Variants in GOT2 observed in about 807,000 individuals in gnomAD.
GOT2 encodes glutamic-oxaloacetic transaminase 2.
Under a neutral mutation model 50.0 loss-of-function variants are expected in GOT2, and 17 were observed. The observed-to-expected ratio is 0.34, with a 90% CI of 0.23 to 0.51. GOT2 has a LOEUF of 0.51. Among genes scored for constraint, GOT2 ranks in the 20% least tolerant of loss-of-function variants. GOT2 has a pLI of 0.97. For synonymous variants in GOT2, 172 were observed against 204.9 expected (o/e 0.84, Z 1.37); for missense variants, 430 against 559.6 (o/e 0.77, Z 2.34).
At chr16:58,715,084 C>G (rs566892201) in intron 8 of GOT2, among the ~76,000 whole-genome samples, 15 of 152,192 alleles carry the variant, frequency 9.9e-5, no homozygotes, top group Admixed American at 7.9e-4. Context: ...TGGCTCACAC[C>G]TGCAATCCCA....
chr16:58,713,141 C>G (rs1035942446), intron 8 of GOT2, among the ~76,000 whole-genome samples: 1 of 150,770 alleles, frequency 6.6e-6, no homozygotes, highest in Admixed American at 6.6e-5. Flanking sequence ...CACACACAAA[C>G]AAAAAACAAA....
chr16:58,723,789 C>T lies in GOT2; in HGVS notation c.203G>A (p.Arg68Gln), dbSNP rs768158989. Reference protein sequence around the residue: ...KKMNLGVGAYRDDNGKPYVLP... With the variant: ...KKMNLGVGAYQDDNGKPYVLP... Reference sequence around the variant, plus strand: ...AACGTAAGGCTTTCCATTATCATCCCGGTAGGCACCAACTCCCAGATTCAT... The same window carrying T: ...AACGTAAGGCTTTCCATTATCATCCTGGTAGGCACCAACTCCCAGATTCAT... Residue 68 changes from arginine to glutamine, a missense_variant, in exon 2 of 10, where the codon CGG (arginine) becomes CAG (glutamine). By Grantham distance (43) the Arg-to-Gln change is conservative. Coordinates refer to ENST00000245206, the MANE Select transcript of GOT2 (RefSeq NM_002080.4). The T allele has an allele frequency of 2.3e-5, 37 of 1,612,984 alleles. No individual in the cohort carries two copies. Among genetic ancestry groups the T allele is most frequent in the Admixed American group, 3.3e-5 (2 of 60,012 alleles).
At chr16:58,723,687 C>T (rs2044758261) in intron 2 of GOT2, 59 bp downstream of exon 2, 11 of 1,418,342 alleles carry the variant, frequency 7.8e-6, no homozygotes, top group Non-Finnish European at 1.1e-5. Context: ...TCCTGCCACT[C>T]TCCAGGGCTC....
chr16:58,711,613 T>G (rs534438306), intron 8 of GOT2, among the ~76,000 whole-genome samples: 18 of 152,362 alleles, frequency 1.2e-4, no homozygotes, highest in African/African-American at 1.7e-4. Context: ...AATTGGGCAC[T>G]TGTGCCTAAA....
chr16:58,723,652 C>T (rs2044758050), intron 2 of GOT2, 94 bp downstream of exon 2: 17 of 1,008,228 alleles, frequency 1.7e-5, no homozygotes, highest in Non-Finnish European at 2.4e-5. Flanking sequence ...AAGCCCAGGG[C>T]TCCTGATTCC....
intron 9 of GOT2, chr16:58,708,997 C>CA (rs1351514256): frequency 2.6e-5 from 4 of 156,322 alleles, no homozygotes; most frequent in Non-Finnish European, 5.6e-5. Context: ...CTCAGTGGCT[C>CA]ACACCTGTAA....
At chr16:58,730,336 T>C (rs1424377455) in intron 1 of GOT2, among the ~76,000 whole-genome samples, 1 of 152,172 alleles carries the variant, frequency 6.6e-6, no homozygotes, top group African/African-American at 2.4e-5. Context: ...CCTCTTCCCA[T>C]TCTCTACCCT....
intron 3 of GOT2, chr16:58,721,941 C>T (rs910763557): frequency 2.9e-5 from 12 of 416,106 alleles, no homozygotes; most frequent in East Asian, 8.8e-5. Context: ...TCACCATGCC[C>T]GGCTAATTTT....
intron 1 of GOT2, among the ~76,000 whole-genome samples, chr16:58,731,194 C>T (rs912827024): frequency 7.2e-5 from 11 of 151,982 alleles, no homozygotes; most frequent in Non-Finnish European, 1.2e-4. Context: ...AGTGCAGCGG[C>T]GTGATCAGCG....
At position 58,718,912 on chromosome 16, in the gene GOT2, G is replaced by T. The variant is rs1010671541; in HGVS notation, c.436-224C>A. 2.0e-5 allele frequency among the ~76,000 whole-genome samples: 3 copies of T among 152,214 alleles called. No homozygotes were observed. In the East Asian group the frequency reaches 5.8e-4, roughly 29 times the overall value. On this transcript the variant is annotated intron_variant, in intron 4 of 9. Transcript: ENST00000245206. ...TTTCTGGGTCTTGCTTTCTTCACTT[G>T]TAAAGGGGGTTAATTGTACCTCTCT...
chr16:58,708,337 G>A (rs1190926527), intron 9 of GOT2, 44 bp from the exon 10 acceptor site: 5 of 1,599,668 alleles, frequency 3.1e-6, no homozygotes, highest in Non-Finnish European at 4.3e-6. Flanking sequence ...CGGTACAGGG[G>A]ATTCTCCCCG....
chr16:58,724,541 A>G (rs1409092397), intron 1 of GOT2, among the ~76,000 whole-genome samples: 1 of 149,046 alleles, frequency 6.7e-6, no homozygotes, highest in Non-Finnish European at 1.5e-5. Context: ...ATACTGATAC[A>G]TTATTATTAT....
At chr16:58,713,288 T>C (rs913223855) in intron 8 of GOT2, among the ~76,000 whole-genome samples, 2 of 152,110 alleles carry the variant, frequency 1.3e-5, no homozygotes, top group East Asian at 3.9e-4. Flanking sequence ...CAAAAAAATA[T>C]AACTTAAAAA....
In GOT2 at chr16:58,734,265, G is replaced by T. The variant is rs760486927; in HGVS notation, c.-37C>A. 2.8e-5 allele frequency: 32 copies of T among 1,129,788 alleles called. No homozygotes were observed. The African/African-American group carries it at 4.8e-4, about 17-fold the overall frequency. The allele number at this position is 1,129,788 out of a possible 1,614,324, so 70.0% of individuals were successfully genotyped here. A position where few individuals can be genotyped will look rare whatever the true frequency, so the allele number is the denominator to read the frequency against. The stretch of plus-strand genomic sequence containing the variant: ...GGAGGGCAGTGGGCAGCCGCAGGAC[G>T]GAGCAGAGGGCGAGCGGACACACAC... On this transcript the variant is annotated 5_prime_UTR_variant, in exon 1 of 10. Transcript: ENST00000245206.
At chr16:58,721,035 T>C (rs1369552955) in intron 3 of GOT2, among the ~76,000 whole-genome samples, 1 of 152,208 alleles carries the variant, frequency 6.6e-6, no homozygotes, top group Non-Finnish European at 1.5e-5. Flanking sequence ...TAACAGGCAG[T>C]TGACTGTATG....
intron 1 of GOT2, 58 bp from the exon 2 acceptor site, chr16:58,723,960 T>A: frequency 6.8e-7 from 1 of 1,471,594 alleles, no homozygotes; most frequent in South Asian, 1.2e-5. Context: ...TCCATTTTAC[T>A]TATTTATTTA....
chr16:58,716,587 C>T (rs1300197840), intron 7 of GOT2, 76 bp downstream of exon 7: 38 of 1,248,902 alleles, frequency 3.0e-5, no homozygotes, highest in South Asian at 2.0e-4. Flanking sequence ...CACACACACA[C>T]ACCCACAAGC....
intron 6 of GOT2, 114 bp from the exon 7 acceptor site, chr16:58,716,927 A>G (rs963221064): frequency 1.2e-5 from 11 of 907,502 alleles, no homozygotes; most frequent in Non-Finnish European, 1.9e-5. Context: ...TAAGCACAAT[A>G]AGCCTTTTCT....
chr16:58,724,306 A>G lies in GOT2; in HGVS notation c.90-404T>C, dbSNP rs2044765538. Reference sequence around the variant, plus strand: ...CAAACTTTTTTTTTTTTTTTGAGACAGAGTCTCGCTCTGTCACCCAGGCTG... The same window carrying G: ...CAAACTTTTTTTTTTTTTTTGAGACGGAGTCTCGCTCTGTCACCCAGGCTG... On this transcript the variant is annotated intron_variant, in intron 1 of 9. Transcript: ENST00000245206. 3.3e-5 allele frequency among the ~76,000 whole-genome samples: 5 copies of G among 150,170 alleles called. No homozygotes were observed. In the South Asian group the frequency reaches 1.0e-3, roughly 31 times the overall value.
Sources: gnomAD v4.1 joint callset for allele counts (sites outside exome capture counted in the v4.1 genomes callset) on GRCh38, gnomAD v4.1.1 for gene constraint, MANE v1.5 for transcripts, NCBI Gene and HGNC (gene_info 2026-07-23, HGNC 2026-07-21) for gene names.